The following LDLRAD4 variants were observed in gnomAD, a reference collection of about 807,000 sequenced individuals.
LDLRAD4 encodes low-density lipoprotein receptor class A domain-containing protein 4.
Under a neutral mutation model 17.0 loss-of-function variants are expected in LDLRAD4, and 5 were observed. The ratio of observed to expected loss-of-function variants is 0.29; its 90% CI spans 0.15 to 0.62. The LOEUF is 0.62. Ranked by LOEUF, LDLRAD4 falls within the 20% of genes least tolerant of loss-of-function variation. LDLRAD4 has a pLI of 0.84. For synonymous variants in LDLRAD4, 168 were observed against 171.8 expected, an observed-to-expected ratio of 0.98 and a Z score of 0.17; for missense variants, 340 against 424.7, an observed-to-expected ratio of 0.80 and a Z score of 1.75.
At chr18:13,533,002 G>A (rs2094151407) in intron 3 of LDLRAD4, among the ~76,000 whole-genome samples, 2 of 152,210 alleles carry the variant, frequency 1.3e-5, no homozygotes, top group African/African-American at 4.8e-5. Context: ...TCGTTTGGCT[G>A]GAAATAGTGT....
At chr18:13,582,727 T>C (rs567149545) in intron 3 of LDLRAD4, among the ~76,000 whole-genome samples, 16 of 152,322 alleles carry the variant, frequency 1.1e-4, no homozygotes, top group African/African-American at 3.4e-4. Flanking sequence ...AATTTACTTT[T>C]CTAGAGACGA....
At chr18:13,575,550 C>T (rs1260276651) in intron 3 of LDLRAD4, among the ~76,000 whole-genome samples, 2 of 152,186 alleles carry the variant, frequency 1.3e-5, no homozygotes, top group Non-Finnish European at 2.9e-5. Flanking sequence ...GTATCTTTTT[C>T]GTATAATGAC....
intron 2 of LDLRAD4, among the ~76,000 whole-genome samples, chr18:13,419,193 T>C (rs1383565750): frequency 2.0e-5 from 3 of 152,300 alleles, no homozygotes; most frequent in South Asian, 2.1e-4. Flanking sequence ...GGGATCCACA[T>C]AGGTTTTGGG....
At chr18:13,318,137 G>A (rs543576484) in intron 1 of LDLRAD4, among the ~76,000 whole-genome samples, 22 of 152,322 alleles carry the variant, frequency 1.4e-4, no homozygotes, top group Non-Finnish European at 2.4e-4. Flanking sequence ...AGGGTTCAGC[G>A]CAGGGGTCCC....
intron 1 of LDLRAD4, among the ~76,000 whole-genome samples, chr18:13,231,150 G>A (rs185102816): frequency 3.7e-4 from 56 of 152,310 alleles, no homozygotes; most frequent in African/African-American, 1.1e-3. Flanking sequence ...GGGCAGCATC[G>A]TCTTCGAGTT....
chr18:13,603,520 C>T (rs1415289015), intron 3 of LDLRAD4, among the ~76,000 whole-genome samples: 1 of 152,204 alleles, frequency 6.6e-6, no homozygotes, highest in Non-Finnish European at 1.5e-5. Context: ...ATTACTTAAC[C>T]TTTCTGTGCC....
intron 2 of LDLRAD4, among the ~76,000 whole-genome samples, chr18:13,390,851 G>A (rs1043588525): frequency 9.9e-5 from 15 of 152,216 alleles, no homozygotes; most frequent in Non-Finnish European, 2.1e-4. Flanking sequence ...AGATGTGAGC[G>A]CCTGGCCTTC....
At chr18:13,635,293 C>T (rs1164844105) in intron 4 of LDLRAD4, among the ~76,000 whole-genome samples, 1 of 152,188 alleles carries the variant, frequency 6.6e-6, no homozygotes, top group Non-Finnish European at 1.5e-5. Context: ...GTGGAAAGAG[C>T]TTGCTAGCCT....
chr18:13,545,087 A>G (rs1407166143), intron 3 of LDLRAD4, among the ~76,000 whole-genome samples: 1 of 152,076 alleles, frequency 6.6e-6, no homozygotes, highest in Non-Finnish European at 1.5e-5. Flanking sequence ...TGCTCCCCAG[A>G]AGGTCCTCAG....
chr18:13,638,447 C>T (rs182962994), intron 4 of LDLRAD4, among the ~76,000 whole-genome samples: 16 of 152,060 alleles, frequency 1.1e-4, no homozygotes, highest in Non-Finnish European at 1.8e-4. Flanking sequence ...TTCTTGTTAC[C>T]TTTTTTGTTA....
chr18:13,641,501 C>T (rs547355959), intron 4 of LDLRAD4, among the ~76,000 whole-genome samples: 1 of 152,360 alleles, frequency 6.6e-6, no homozygotes, highest in South Asian at 2.1e-4. Flanking sequence ...TAAGATAGTC[C>T]TTGCATTCAG....
chr18:13,415,527 G>A (rs1435490929), intron 2 of LDLRAD4, among the ~76,000 whole-genome samples: 2 of 152,210 alleles, frequency 1.3e-5, no homozygotes, highest in Non-Finnish European at 2.9e-5. Context: ...GGTTGTATAG[G>A]CAGACTTGTC....
At chr18:13,592,795 G>T (rs2148557541) in intron 3 of LDLRAD4, among the ~76,000 whole-genome samples, 1 of 151,976 alleles carries the variant, frequency 6.6e-6, no homozygotes, top group Admixed American at 6.5e-5. Context: ...ATTTTAGAAG[G>T]AATTTGTAAT....
At chr18:13,321,862 A>AAAAAAAAAAAAAG in intron 1 of LDLRAD4, among the ~76,000 whole-genome samples, 1 of 20,714 alleles carries the variant, frequency 4.8e-5, no homozygotes, top group African/African-American at 3.2e-4. Context: ...ACTCCGTCTC[A>AAAAAAAAAAAAAG]AAAAAAAAAA....
chr18:13,353,893 T>C (rs530086710), intron 1 of LDLRAD4, among the ~76,000 whole-genome samples: 13 of 152,280 alleles, frequency 8.5e-5, no homozygotes, highest in Non-Finnish European at 1.6e-4. Flanking sequence ...ATAAAGTTAA[T>C]GTAGCTAGTC....
At chr18:13,596,152 G>A (rs1484232849) in intron 3 of LDLRAD4, among the ~76,000 whole-genome samples, 1 of 151,752 alleles carries the variant, frequency 6.6e-6, no homozygotes, top group African/African-American at 2.4e-5. Context: ...ACTTTTTTTT[G>A]TTCTGAAGTC....
At chr18:13,494,144 C>A (rs1252402473) in intron 3 of LDLRAD4, among the ~76,000 whole-genome samples, 1 of 152,078 alleles carries the variant, frequency 6.6e-6, no homozygotes, top group Non-Finnish European at 1.5e-5. Context: ...TGAGAGGAGG[C>A]ATCATGGTTG....
chr18:13,432,047 C>T (rs1184386365), intron 2 of LDLRAD4, among the ~76,000 whole-genome samples: 4 of 152,200 alleles, frequency 2.6e-5, no homozygotes, highest in African/African-American at 9.6e-5. Context: ...CATTCTCCTC[C>T]CTCAGGTTCC....
intron 1 of LDLRAD4, among the ~76,000 whole-genome samples, chr18:13,356,722 C>T (rs1051427531): frequency 2.0e-5 from 3 of 152,214 alleles, no homozygotes; most frequent in African/African-American, 7.2e-5. Flanking sequence ...ACACCATCTT[C>T]CTCCCTCCAG....
Sources: allele counts gnomAD v4.1 joint callset (sites outside exome capture counted in the v4.1 genomes callset), GRCh38; gene constraint gnomAD v4.1.1; transcripts MANE v1.5; gene names NCBI Gene and HGNC (gene_info 2026-07-23, HGNC 2026-07-21).